Variants in RAD52 observed in about 807,000 individuals in gnomAD.
The protein encoded by RAD52 is RAD52 DNA repair protein.
RAD52 carries 47 observed loss-of-function variants against 55.5 expected under a neutral mutation model. The ratio of observed to expected loss-of-function variants is 0.85; its 90% CI spans 0.67 to 1.08. The LOEUF (loss-of-function observed/expected upper bound fraction) is 1.08. RAD52 is among the 50% of genes least tolerant of loss of function. The probability of loss-of-function intolerance (pLI) is 0.00; values close to 1 mark genes in which losing one functional copy is unlikely to be tolerated. For missense variants in RAD52, 468 were observed against 522.8 expected, an observed-to-expected ratio of 0.90 and a Z score of 1.02; for synonymous variants, 184 against 198.9, an observed-to-expected ratio of 0.92 and a Z score of 0.63.
chr12:959,873 C>T (rs1384719568), intron 1 of RAD52, among the ~76,000 whole-genome samples: 1 of 152,106 alleles, frequency 6.6e-6, no homozygotes, highest in Non-Finnish European at 1.5e-5. Context: ...CTTTAGTTTG[C>T]TTACTGAGAA....
chr12:917,596 G>A (rs912826988), intron 7 of RAD52, among the ~76,000 whole-genome samples: 3 of 151,868 alleles, frequency 2.0e-5, no homozygotes, highest in Non-Finnish European at 2.9e-5. Flanking sequence ...AAAGAAATGA[G>A]CTTTGGCCAG....
intron 7 of RAD52, among the ~76,000 whole-genome samples, chr12:922,117 A>G (rs1024310437): frequency 3.5e-5 from 4 of 115,630 alleles, no homozygotes; most frequent in African/African-American, 1.4e-4. Context: ...AAAAGAAAAT[A>G]TGGTCAACAT....
intron 7 of RAD52, among the ~76,000 whole-genome samples, chr12:921,383 G>C (rs1469616617): frequency 6.6e-6 from 1 of 152,188 alleles, no homozygotes; most frequent in Non-Finnish European, 1.5e-5. Context: ...AAGGCAGGTG[G>C]ATCACTTGAG....
chr12:941,757 C>T (rs1051117848), intron 1 of RAD52, among the ~76,000 whole-genome samples: 4 of 152,140 alleles, frequency 2.6e-5, no homozygotes, highest in African/African-American at 7.2e-5. Flanking sequence ...CTGCCTCAGC[C>T]TCCCAAGTAG....
chr12:925,044 G>A (rs1266167577), intron 7 of RAD52, among the ~76,000 whole-genome samples: 8 of 150,530 alleles, frequency 5.3e-5, no homozygotes, highest in Admixed American at 1.3e-4. Context: ...TCTGCCTCCC[G>A]GGTTCACGCC....
At chr12:927,312 G>T in intron 5 of RAD52, 49 bp from the exon 6 acceptor site, 1 of 1,333,266 alleles carries the variant, frequency 7.5e-7, no homozygotes, top group Non-Finnish European at 1.1e-6. Context: ...CGGCAGGCGT[G>T]CCACAACTCC....
chr12:985,962 T>C (rs1221572530), intron 1 of RAD52, among the ~76,000 whole-genome samples: 1 of 148,860 alleles, frequency 6.7e-6, no homozygotes, highest in African/African-American at 2.5e-5. Context: ...GAGACAGAGT[T>C]TCACTCTTGT....
At chr12:974,450 G>C (rs1958910261) in intron 1 of RAD52, 1 of 152,280 alleles carries the variant, frequency 6.6e-6, no homozygotes, top group African/African-American at 2.4e-5. Flanking sequence ...ATGCCTTTGA[G>C]AATGTGATGA....
chr12:984,711 C>T (rs1766146683), intron 1 of RAD52, among the ~76,000 whole-genome samples: 1 of 151,444 alleles, frequency 6.6e-6, no homozygotes, highest in Admixed American at 6.6e-5. Context: ...GTCGCCCAGG[C>T]TGGAGTGCAG....
At chr12:916,162 T>C (rs1445088404) in intron 9 of RAD52, 182 bp downstream of exon 9, 15 of 1,336,008 alleles carry the variant, frequency 1.1e-5, no homozygotes, top group Non-Finnish European at 1.4e-5. Context: ...AACGGGAAAA[T>C]GTACAGCAGA....
At chr12:972,464 C>T (rs1025058485) in intron 1 of RAD52, among the ~76,000 whole-genome samples, 3 of 151,534 alleles carry the variant, frequency 2.0e-5, no homozygotes, top group African/African-American at 7.3e-5. Context: ...AAAACTGTGC[C>T]CATTAGAAGG....
chr12:943,375 T>G (rs1333016570), intron 1 of RAD52, among the ~76,000 whole-genome samples: 1 of 152,186 alleles, frequency 6.6e-6, no homozygotes, highest in Non-Finnish European at 1.5e-5. Context: ...CGAAGTCTTG[T>G]TCAGTCGCCC....
intron 1 of RAD52, among the ~76,000 whole-genome samples, chr12:959,370 A>C (rs1958653668): frequency 6.6e-6 from 1 of 152,232 alleles, no homozygotes; most frequent in African/African-American, 2.4e-5. Context: ...ATCAGGAGTG[A>C]GCATTGTTCT....
rs1419892806 is a variant in RAD52, at chr12:930,163, T to G, written c.187-19A>C. 3.8e-6 allele frequency: 6 copies of G among 1,576,330 alleles called. No homozygotes were observed. The highest frequency in any genetic ancestry group is 5.2e-6 in the Non-Finnish European group (6 of 1,151,100). ...AGCACACCTAGAAAAACAAATGTTT[T>G]TAAGGAAAAGCTGTGTTAATTCCTT... On this transcript the variant is annotated intron_variant, in intron 3 of 11. Coordinates refer to ENST00000358495, the MANE Select transcript of RAD52 (RefSeq NM_134424.4).
upstream of RAD52, among the ~76,000 whole-genome samples, chr12:952,223 C>T (rs2154120042): frequency 6.6e-6 from 1 of 152,220 alleles, no homozygotes; most frequent in South Asian, 2.1e-4. Flanking sequence ...CTTGGCCTCC[C>T]AAAGTGCTGG....
At chr12:931,931 A>ATG (rs1565671760) in intron 2 of RAD52, among the ~76,000 whole-genome samples, 1 of 152,178 alleles carries the variant, frequency 6.6e-6, no homozygotes, top group Non-Finnish European at 1.5e-5. Flanking sequence ...TGCCCTGCTC[A>ATG]GATGAGATGA....
intron 9 of RAD52, chr12:916,128 A>T (rs1381348411): frequency 4.0e-6 from 5 of 1,264,396 alleles, no homozygotes; most frequent in Non-Finnish European, 5.1e-6. Context: ...TCCACGGGGG[A>T]AAAAAGAAAT....
chr12:982,872 C>A (rs1280436814), intron 1 of RAD52, among the ~76,000 whole-genome samples: 2 of 149,872 alleles, frequency 1.3e-5, no homozygotes, highest in Non-Finnish European at 3.0e-5. Context: ...TGTTTTGAGA[C>A]AGAGTCTCAC....
At chr12:917,770 CAAA>C (rs71055103) in intron 7 of RAD52, among the ~76,000 whole-genome samples, 22 of 107,360 alleles carry the variant, frequency 2.0e-4, no homozygotes, top group African/African-American at 6.4e-4. Context: ...ACTAAAAATA[CAAA>C]AAAAAAAAAA....
Sources: allele counts gnomAD v4.1 joint callset (sites outside exome capture counted in the v4.1 genomes callset), GRCh38; gene constraint gnomAD v4.1.1; transcripts MANE v1.5; gene names NCBI Gene and HGNC (gene_info 2026-07-23, HGNC 2026-07-21).